Variants in NRXN3 observed in about 807,000 individuals in gnomAD.
NRXN3 encodes neurexin III.
Under a neutral mutation model 137.6 loss-of-function variants are expected in NRXN3, and 32 were observed. The ratio of observed to expected loss-of-function variants is 0.23; its 90% CI spans 0.18 to 0.31. The LOEUF is 0.31. Ranked by LOEUF, NRXN3 falls within the 10% of genes least tolerant of loss-of-function variation. NRXN3 has a pLI of 1.00. For missense variants in NRXN3, 1,574 were observed against 2,062.5 expected, an observed-to-expected ratio of 0.76 and a Z score of 4.59; for synonymous variants, 798 against 784.5, an observed-to-expected ratio of 1.02 and a Z score of -0.29.
chr14:79,241,691 A>G (rs2074330315), intron 15 of NRXN3, among the ~76,000 whole-genome samples: 1 of 152,176 alleles, frequency 6.6e-6, no homozygotes, highest in Non-Finnish European at 1.5e-5. Flanking sequence ...TAATGAAAAC[A>G]ACAATAACAG....
chr14:79,166,246 A>T (rs1384009350), intron 15 of NRXN3, among the ~76,000 whole-genome samples: 1 of 151,944 alleles, frequency 6.6e-6, no homozygotes, highest in East Asian at 1.9e-4. Flanking sequence ...AGAATTCTGG[A>T]GTAGTTAAAA....
At chr14:79,406,990 C>T (rs1162594859) in intron 15 of NRXN3, among the ~76,000 whole-genome samples, 1 of 152,076 alleles carries the variant, frequency 6.6e-6, no homozygotes, top group Non-Finnish European at 1.5e-5. Context: ...AACAAAGGGA[C>T]CTCTATGGTC....
At chr14:79,625,938 G>T (rs1351374553) in intron 16 of NRXN3, among the ~76,000 whole-genome samples, 1 of 152,122 alleles carries the variant, frequency 6.6e-6, no homozygotes, top group Non-Finnish European at 1.5e-5. Context: ...ATGTCTCATA[G>T]GACCGGTGTA....
At chr14:79,281,046 A>G (rs1278942964) in intron 15 of NRXN3, among the ~76,000 whole-genome samples, 1 of 152,158 alleles carries the variant, frequency 6.6e-6, no homozygotes, top group African/African-American at 2.4e-5. Context: ...GTCAGGGAAA[A>G]GTAGCCGAAC....
intron 15 of NRXN3, among the ~76,000 whole-genome samples, chr14:79,376,021 T>C (rs115632416): frequency 0.014 from 2,063 of 146,670 alleles, 46 homozygotes; most frequent in African/African-American, 0.048. Flanking sequence ...TATACATATA[T>C]GTATATATAC....
chr14:78,615,140 A>G (rs1180939625), intron 4 of NRXN3: 8 of 455,782 alleles, frequency 1.8e-5, no homozygotes, highest in Admixed American at 4.7e-5. Flanking sequence ...TCATATTACC[A>G]TGATAATAAC....
intron 16 of NRXN3, among the ~76,000 whole-genome samples, chr14:79,562,456 A>G (rs1456101408): frequency 6.6e-6 from 1 of 152,164 alleles, no homozygotes; most frequent in African/African-American, 2.4e-5. Flanking sequence ...ATTTGGCACC[A>G]TAAGAACTAC....
intron 15 of NRXN3, among the ~76,000 whole-genome samples, chr14:79,067,716 G>A (rs1350603358): frequency 4.0e-5 from 6 of 151,874 alleles, no homozygotes; most frequent in African/African-American, 1.4e-4. Flanking sequence ...AATCATGTTG[G>A]ATTTGAGTCC....
chr14:78,650,130 A>G (rs1468492561), intron 5 of NRXN3, among the ~76,000 whole-genome samples: 1 of 152,028 alleles, frequency 6.6e-6, no homozygotes, highest in Non-Finnish European at 1.5e-5. Context: ...GGTGGCAGGC[A>G]GAGAAAAGAC....
Position 78,942,888 on chromosome 14 carries a change from A to T in NRXN3, c.2276-14354A>T, listed in dbSNP as rs184610575. ...ACTATGTACCCTGTAAAAATGTACAATTATTTTTCAGTTAAAAAAGGAAAA... is the reference window on the plus strand; with the variant it reads ...ACTATGTACCCTGTAAAAATGTACATTTATTTTTCAGTTAAAAAAGGAAAA... On this transcript the variant is annotated intron_variant, in intron 10 of 20. Transcript: ENST00000335750. Among the ~76,000 whole-genome samples the T allele has an allele frequency of 2.3e-4, 35 of 151,884 alleles. No individual in the cohort carries two copies. In the East Asian group the frequency reaches 6.2e-3, roughly 27 times the overall value.
rs148731188 is a variant in NRXN3, at chr14:78,651,308, C to T, written c.1203C>T (p.Phe401=). The T allele has an allele frequency of 2.3e-4, 365 of 1,614,064 alleles. 1 individual carries two copies. The African/African-American group carries it at 4.4e-3, about 19-fold the overall frequency. The part of the protein sequence containing the change: ...DLPGSPVSNN[F]MGCLKEVVYK... ...CTGGCTCCCCTGTCAGCAACAACTT[C>T]ATGGGCTGCCTTAAAGAGGTAAAGT... Residue 401 remains phenylalanine, a synonymous_variant, in exon 6 of 21, where the codon TTC becomes TTT. Coordinates refer to ENST00000335750, the MANE Select transcript of NRXN3 (RefSeq NM_001330195.2).
intron 17 of NRXN3, 123 bp downstream of exon 17, chr14:79,664,072 T>G: frequency 1.0e-6 from 1 of 997,822 alleles, no homozygotes; most frequent in Admixed American, 2.4e-5. Flanking sequence ...CATTCATGAT[T>G]TTTTTGTATG....
At chr14:79,182,927 T>C (rs536590632) in intron 15 of NRXN3, among the ~76,000 whole-genome samples, 1 of 152,270 alleles carries the variant, frequency 6.6e-6, no homozygotes, top group South Asian at 2.1e-4. Context: ...ATTAAATCAA[T>C]TTTAAAATGG....
rs567927802 is a variant in NRXN3 at position 78,566,501 on chromosome 14, C to A, written c.758-78619C>A. Among the ~76,000 whole-genome samples the A allele has an allele frequency of 4.9e-4, 75 of 151,950 alleles. 1 individual carries two copies. The highest frequency in any genetic ancestry group is 3.4e-3 in the Middle Eastern group (1 of 294). On this transcript the variant is annotated intron_variant, in intron 4 of 20. Coordinates refer to ENST00000335750, the MANE Select transcript of NRXN3 (RefSeq NM_001330195.2). ...GGGGCTGGGTGGGCTAGATTAATAACCCAAAGCCTTCCAAGCTGGCGGTGC... is the reference window on the plus strand; with the variant it reads ...GGGGCTGGGTGGGCTAGATTAATAAACCAAAGCCTTCCAAGCTGGCGGTGC...
intron 14 of NRXN3, among the ~76,000 whole-genome samples, chr14:78,977,508 T>C (rs140019333): frequency 2.6e-5 from 4 of 152,202 alleles, no homozygotes; most frequent in African/African-American, 4.8e-5. Flanking sequence ...TTCTAAAGAA[T>C]CATTGACTTA....
chr14:79,790,121 A>G (rs1603502849), intron 19 of NRXN3, among the ~76,000 whole-genome samples: 1 of 152,198 alleles, frequency 6.6e-6, no homozygotes, highest in Admixed American at 6.5e-5. Context: ...ACTATAAAAT[A>G]AACTTCTGAG....
intron 4 of NRXN3, among the ~76,000 whole-genome samples, chr14:78,493,929 T>A (rs1460848271): frequency 1.3e-5 from 2 of 152,166 alleles, no homozygotes; most frequent in East Asian, 3.8e-4. Flanking sequence ...CACGCTGCAA[T>A]GATTTCTCAG....
intron 11 of NRXN3, among the ~76,000 whole-genome samples, chr14:78,958,709 T>A (rs115749515): frequency 0.013 from 2,048 of 152,258 alleles, 52 homozygotes; most frequent in African/African-American, 0.047. Context: ...GCAGGACACA[T>A]CTATGAAGCA....
intron 6 of NRXN3, among the ~76,000 whole-genome samples, chr14:78,679,706 G>A (rs945149980): frequency 1.3e-5 from 2 of 152,148 alleles, no homozygotes; most frequent in Non-Finnish European, 2.9e-5. Context: ...GACAAGGATG[G>A]AAACGTTGAG....
Sources: gnomAD v4.1 joint callset for allele counts (sites outside exome capture counted in the v4.1 genomes callset) on GRCh38, gnomAD v4.1.1 for gene constraint, MANE v1.5 for transcripts, NCBI Gene and HGNC (gene_info 2026-07-23, HGNC 2026-07-21) for gene names.